CCDC28B: variants seen among roughly 807,000 people sequenced by gnomAD.
CCDC28B encodes coiled-coil domain containing 28B.
In CCDC28B, 17 loss-of-function variants were observed where a neutral mutation model predicts 18.7. That is an observed-to-expected ratio of 0.91 (90% CI 0.62 to 1.36). The LOEUF is 1.36. Among genes scored for constraint, CCDC28B ranks in the 40% most tolerant of loss-of-function variants. The probability of loss-of-function intolerance (pLI) is 0.00; values close to 1 mark genes in which losing one functional copy is unlikely to be tolerated. For missense variants in CCDC28B, 213 were observed against 251.7 expected (o/e 0.85, Z 1.04); for synonymous variants, 116 against 105.1 (o/e 1.10, Z -0.64).
At position 32,205,110 on chromosome 1, in the gene CCDC28B, T is replaced by A; in HGVS notation, c.549-84T>A. ...CCTCGTCCCCGGCCCTTTGCACAGG[T>A]GAGGGAACTAAACCTGTGCAAGATG... On this transcript the variant is annotated intron_variant, in intron 5 of 5. Coordinates refer to ENST00000373602, the MANE Select transcript of CCDC28B (RefSeq NM_024296.5). This position sits in a 1 kb window ranked among gnomAD's most constrained non-coding sequence, Gnocchi z 5.6. 3 of 1,539,652 alleles carry A rather than the reference T, an allele frequency of 1.9e-6. No individual in the cohort carries two copies. The highest frequency in any genetic ancestry group is 1.8e-6 in the Non-Finnish European group (2 of 1,125,428).
rs1040543441 is a variant in CCDC28B, at chr1:32,205,349, AG to A, written c.*107del. 92 of 1,101,678 alleles carry A rather than the reference AG, an allele frequency of 8.4e-5. No individual in the cohort carries two copies. The highest frequency in any genetic ancestry group is 6.3e-4 in the African/African-American group (39 of 61,808). The allele number at this position is 1,101,678 out of a possible 1,614,324, so 68.2% of individuals were successfully genotyped here. A position where few individuals can be genotyped will look rare whatever the true frequency, so the allele number is the denominator to read the frequency against. On this transcript the variant is annotated 3_prime_UTR_variant, in exon 6 of 6. Transcript: ENST00000373602. This position sits in a 1 kb window ranked among gnomAD's most constrained non-coding sequence, Gnocchi z 5.6. ...TGCGGCCCCCCAGGTGCTATGGGGGAGGGGGGCGTTGAATGGAATTAAACCA... is the reference window on the plus strand; with the variant it reads ...TGCGGCCCCCCAGGTGCTATGGGGGAGGGGGCGTTGAATGGAATTAAACCA...
In CCDC28B at chr1:32,205,295, T is replaced by G; in HGVS notation, c.*47T>G. On this transcript the variant is annotated 3_prime_UTR_variant, in exon 6 of 6. Coordinates refer to ENST00000373602, the MANE Select transcript of CCDC28B (RefSeq NM_024296.5). The surrounding 1 kb of genome is among the most constrained non-coding windows in gnomAD (Gnocchi z 5.6). ...TGCCCCTCTCATTCTCTTCAAACTGTGACTTTTTACAGACTCGGGCGGGTG... is the reference window on the plus strand; with the variant it reads ...TGCCCCTCTCATTCTCTTCAAACTGGGACTTTTTACAGACTCGGGCGGGTG... 1 of 1,551,740 alleles carries G rather than the reference T, an allele frequency of 6.4e-7. No homozygotes were observed. The highest frequency in any genetic ancestry group is 1.2e-5 in the South Asian group (1 of 84,830).
upstream of CCDC28B, chr1:32,197,824 T>A (rs926003161): frequency 6.6e-6 from 1 of 152,178 alleles, no homozygotes; most frequent in Admixed American, 6.5e-5. This position sits in a 1 kb window ranked among gnomAD's most constrained non-coding sequence, Gnocchi z 4.6. Flanking sequence ...TTTTTTTTTT[T>A]ATTTGTTGTT....
Position 32,204,222 on chromosome 1 carries a change from G to C in CCDC28B, c.368G>C (p.Arg123Pro), listed in dbSNP as rs201902661. The change falls in exon 4 of 6, where the codon CGG becomes CCG. Residue 123 changes from arginine (R) to proline (P), a missense_variant. Transcript: ENST00000373602. ...ECSFEQLEHV[R>P]EMQEKLARLH... ...TCCTTTGAGCAGCTGGAGCACGTTCGGGAGATGCAGGAGAAGCTAGCCCGG... is the reference window on the plus strand; with the variant it reads ...TCCTTTGAGCAGCTGGAGCACGTTCCGGAGATGCAGGAGAAGCTAGCCCGG... 1 of 1,614,080 alleles carries C rather than the reference G, an allele frequency of 6.2e-7. No individual in the cohort carries two copies. The highest frequency in any genetic ancestry group is 2.2e-5 in the East Asian group (1 of 44,874).
chr1:32,196,153 TG>T (rs1411512818), upstream of CCDC28B: 1 of 158,476 alleles, frequency 6.3e-6, no homozygotes, highest in Admixed American at 6.4e-5. Flanking sequence ...GTTTCCTGTT[TG>T]GTGAGATCAG....
rs909645822 is a variant in CCDC28B, at chr1:32,204,268, G to A, written c.414G>A (p.Val138=). The change falls in exon 4 of 6, where the codon GTG becomes GTA. Residue 138 remains valine (V), a synonymous_variant. Transcript: ENST00000373602. ...CCCGGCTGCACTTCAGCCTGGATGTGTGTGGGGAGGAGGAGGACGATGAAG... is the reference window on the plus strand; with the variant it reads ...CCCGGCTGCACTTCAGCCTGGATGTATGTGGGGAGGAGGAGGACGATGAAG... ...KLARLHFSLD[V]CGEEEDDEEE... is the part of the protein sequence containing the mutation. 3.1e-6 allele frequency: 5 copies of A among 1,614,138 alleles called. No individual in the cohort carries two copies. Among genetic ancestry groups the A allele is most frequent in the African/African-American group, 1.3e-5 (1 of 75,036 alleles).
At chr1:32,204,409 T>TG in intron 4 of CCDC28B, 30 bp downstream of exon 4, 6 of 1,545,858 alleles carry the variant, frequency 3.9e-6, no homozygotes, top group Non-Finnish European at 4.4e-6. Context: ...CTTTGGTTCC[T>TG]GGGGGCATGA....
chr1:32,199,017 CTAATTG>C (rs1446274134), upstream of CCDC28B, among the ~76,000 whole-genome samples: 1 of 152,162 alleles, frequency 6.6e-6, no homozygotes, highest in Non-Finnish European at 1.5e-5. Context: ...ACAGGGGCCT[CTAATTG>C]TATGCATTCC....
At chr1:32,197,871 C>T (rs1026791675), upstream of CCDC28B, 6 of 152,174 alleles carry the variant, frequency 3.9e-5, no homozygotes, top group Non-Finnish European at 8.8e-5. This position sits in a 1 kb window ranked among gnomAD's most constrained non-coding sequence, Gnocchi z 4.6. Flanking sequence ...GGGCTGAGCT[C>T]AGGCACTTTC....
At chr1:32,201,643 A>C in intron 1 of CCDC28B, 12 of 247,988 alleles carry the variant, frequency 4.8e-5, no homozygotes, top group South Asian at 1.4e-4. Flanking sequence ...AAGCCCCAGT[A>C]GCGCCAAGAT....
intron 2 of CCDC28B, chr1:32,202,395 G>A (rs1643166391): frequency 1.8e-6 from 1 of 563,030 alleles, no homozygotes; most frequent in East Asian, 4.0e-5. Context: ...GTATAAATAT[G>A]GAAGAAAGCT....
In CCDC28B at chr1:32,201,850, G is replaced by A. The variant is rs574893384; in HGVS notation, c.-23-63G>A. ...GGCCCTTCCTTGGTGCAGCTCTCAG[G>A]GATTTCTGGGTGAAGGGCTAACTTT... On this transcript the variant is annotated intron_variant, in intron 1 of 5. Coordinates refer to ENST00000373602, the MANE Select transcript of CCDC28B (RefSeq NM_024296.5). 4 of 1,405,064 alleles carry A rather than the reference G, an allele frequency of 2.8e-6. No individual in the cohort carries two copies. The South Asian group carries it at 5.5e-5, about 19-fold the overall frequency. 87.0% of individuals were successfully genotyped at this position (1,405,064 alleles called of 1,614,324 possible).
chr1:32,205,247 A>G lies in CCDC28B; in HGVS notation c.602A>G (p.Ter201TrpextTer41), dbSNP rs759141679. ...GAGCCTGAGGAGCAGTCCGCTGCGT[A>G]GGCGTCCCACGCAGGCCCACACTGC... ...NAEPEEQSAA* is the reference protein window; with the variant it reads ...NAEPEEQSAAW The change falls in exon 6 of 6, where the codon TAG becomes TGG. Residue 201 changes from the stop codon to tryptophan (W), a stop_lost. Transcript: ENST00000373602. This position sits in a 1 kb window ranked among gnomAD's most constrained non-coding sequence, Gnocchi z 5.6. 5 of 1,612,880 alleles carry G rather than the reference A, an allele frequency of 3.1e-6. No individual in the cohort carries two copies. Among genetic ancestry groups the G allele is most frequent in the Non-Finnish European group, 4.2e-6 (5 of 1,179,282 alleles).
intron 1 of CCDC28B, among the ~76,000 whole-genome samples, chr1:32,201,037 C>T (rs1643136463): frequency 2.1e-5 from 3 of 144,488 alleles, no homozygotes; most frequent in East Asian, 4.0e-4. Context: ...ACCCCCCCAA[C>T]CCCCCCAGTC....
At chr1:32,199,655 C>G (rs1643105512), upstream of CCDC28B, among the ~76,000 whole-genome samples, 1 of 152,204 alleles carries the variant, frequency 6.6e-6, no homozygotes, top group Admixed American at 6.5e-5. Flanking sequence ...AGCAGGTGCC[C>G]TCAGGAGCAG....
chr1:32,203,733 G>A (rs1643214650), intron 2 of CCDC28B, 146 bp from the exon 3 acceptor site: 1 of 565,742 alleles, frequency 1.8e-6, no homozygotes, highest in African/African-American at 1.9e-5. Flanking sequence ...GAACCATAAA[G>A]TTACCCATTT....
upstream of CCDC28B, chr1:32,196,510 C>G (rs1643027601): frequency 6.6e-6 from 1 of 152,282 alleles, no homozygotes; most frequent in Admixed American, 6.5e-5. Flanking sequence ...CATAAAATGG[C>G]TGCAGACAGT....
chr1:32,204,740 G>GA, intron 5 of CCDC28B, 120 bp downstream of exon 5: 1 of 1,613,876 alleles, frequency 6.2e-7, no homozygotes, highest in Non-Finnish European at 8.5e-7. Context: ...AGTCCTGTCA[G>GA]ATTTAGCCAC....
intron 2 of CCDC28B, among the ~76,000 whole-genome samples, chr1:32,203,580 T>G (rs1643209049): frequency 6.6e-6 from 1 of 152,170 alleles, no homozygotes; most frequent in South Asian, 2.1e-4. Context: ...AGTGACTCAT[T>G]CAGGGTCATA....
Sources: allele counts gnomAD v4.1 joint callset (sites outside exome capture counted in the v4.1 genomes callset), GRCh38; gene constraint gnomAD v4.1.1; non-coding constraint Gnocchi (gnomAD v3.1); transcripts MANE v1.5; gene names NCBI Gene and HGNC (gene_info 2026-07-23, HGNC 2026-07-21).